The following NEBL variants were observed in gnomAD, a reference collection of about 807,000 sequenced individuals.
NEBL encodes the protein nebulette.
A neutral mutation model predicts 140.2 loss-of-function variants in NEBL; 122 were observed. The ratio of observed to expected loss-of-function variants is 0.87; its 90% CI spans 0.75 to 1.01. The LOEUF (loss-of-function observed/expected upper bound fraction) is 1.01. Among genes scored for constraint, NEBL ranks in the 50% least tolerant of loss-of-function variants. The pLI is 0.00. For missense variants in NEBL, 1,365 were observed against 1,231.3 expected (o/e 1.11, Z -1.62); for synonymous variants, 436 against 398.9 (o/e 1.09, Z -1.11).
rs865958203 is a variant in NEBL at position 21,054,456 on chromosome 10, T to C, written c.165-34255A>G. Among the ~76,000 whole-genome samples, 7 of 152,226 alleles carry C rather than the reference T, an allele frequency of 4.6e-5. No individual in the cohort carries two copies. In the South Asian group the frequency reaches 1.4e-3, roughly 31 times the overall value. On this transcript the variant is annotated intron_variant, in intron 2 of 6. Coordinates refer to the NEBL transcript ENST00000417816. ...CGGGTCATTCTGATCTATCCAGCCT[T>C]GCACTTAAGCAGCTGTACTGCCTCT...
chr10:21,117,415 G>C (rs937661103), intron 2 of NEBL, among the ~76,000 whole-genome samples: 2 of 152,050 alleles, frequency 1.3e-5, no homozygotes, highest in Non-Finnish European at 2.9e-5. Context: ...ATCTGGCCCT[G>C]TGAATTCTAG....
rs569674583 is a variant in NEBL, at chr10:21,112,306, C to T, written c.164+60077G>A. ...ACATGCACACATATGTTTATTGCAGCACTATTTACAATAGCAAAGACTTGG... is the reference window on the plus strand; with the variant it reads ...ACATGCACACATATGTTTATTGCAGTACTATTTACAATAGCAAAGACTTGG... On this transcript the variant is annotated intron_variant, in intron 2 of 6. Coordinates refer to the NEBL transcript ENST00000417816. Among the ~76,000 whole-genome samples, 78 of 152,234 alleles carry T rather than the reference C, an allele frequency of 5.1e-4. No homozygotes were observed. The East Asian group carries it at 0.014, about 27-fold the overall frequency.
At chr10:20,930,809 C>T (rs1834145705) in intron 4 of NEBL, among the ~76,000 whole-genome samples, 1 of 152,176 alleles carries the variant, frequency 6.6e-6, no homozygotes, top group African/African-American at 2.4e-5. Context: ...AGATCCAGGA[C>T]CCAAATCCCA....
At chr10:20,829,483 G>T (rs1840200534) in intron 16 of NEBL, among the ~76,000 whole-genome samples, 2 of 151,786 alleles carry the variant, frequency 1.3e-5, no homozygotes, top group Non-Finnish European at 2.9e-5. Flanking sequence ...TATACCTAAT[G>T]CTAGATGACG....
chr10:20,923,065 T>TTTTTC (rs1025798803), intron 4 of NEBL, among the ~76,000 whole-genome samples: 8 of 152,204 alleles, frequency 5.3e-5, no homozygotes, highest in Non-Finnish European at 1.2e-4. Context: ...CTTTTTCTTC[T>TTTTTC]TTTTCTTTTC....
intron 2 of NEBL, among the ~76,000 whole-genome samples, chr10:21,117,847 C>A (rs1430527123): frequency 1.3e-5 from 2 of 152,064 alleles, no homozygotes; most frequent in African/African-American, 2.4e-5. Context: ...GTTCAAGTAG[C>A]AACTCGGCCG....
intron 2 of NEBL, among the ~76,000 whole-genome samples, chr10:21,033,195 A>T (rs1833868108): frequency 6.6e-6 from 1 of 152,192 alleles, no homozygotes; most frequent in Non-Finnish European, 1.5e-5. Context: ...GCCAAGAGAA[A>T]CACACGCAGA....
intron 1 of NEBL, among the ~76,000 whole-genome samples, chr10:21,274,803 GCT>G (rs1323224721): frequency 1.3e-5 from 2 of 151,504 alleles, no homozygotes; most frequent in Non-Finnish European, 1.5e-5. Context: ...AAAAATATTT[GCT>G]TTTTTTAATT....
intron 2 of NEBL, among the ~76,000 whole-genome samples, chr10:20,890,315 C>T (rs144233596): frequency 2.0e-5 from 3 of 152,126 alleles, no homozygotes; most frequent in Non-Finnish European, 4.4e-5. Flanking sequence ...GACACATAAG[C>T]CTTTGGCCAA....
intron 4 of NEBL, among the ~76,000 whole-genome samples, chr10:20,908,645 T>A (rs947471573): frequency 1.3e-5 from 2 of 152,208 alleles, no homozygotes; most frequent in African/African-American, 4.8e-5. Context: ...AAGAAATAAA[T>A]TTTTAATTAA....
intron 2 of NEBL, among the ~76,000 whole-genome samples, chr10:21,062,856 A>T (rs1835363487): frequency 6.6e-6 from 1 of 151,422 alleles, no homozygotes; most frequent in African/African-American, 2.4e-5. Context: ...TGTGATATCA[A>T]TTTTTTTTTA....
chr10:20,970,485 C>CA (rs985924479), intron 3 of NEBL, among the ~76,000 whole-genome samples: 31 of 145,686 alleles, frequency 2.1e-4, no homozygotes, highest in East Asian at 6.0e-4. Flanking sequence ...CTCCCCCCAC[C>CA]AAAAAAAAAA....
intron 1 of NEBL, among the ~76,000 whole-genome samples, chr10:21,257,519 G>A (rs1842673756): frequency 6.6e-6 from 1 of 152,168 alleles, no homozygotes; most frequent in Non-Finnish European, 1.5e-5. Flanking sequence ...CATTGCTGTA[G>A]GAACTGAAAA....
At chr10:21,056,914 G>A (rs778180141) in intron 2 of NEBL, among the ~76,000 whole-genome samples, 4 of 152,182 alleles carry the variant, frequency 2.6e-5, no homozygotes, top group Non-Finnish European at 4.4e-5. Flanking sequence ...CCTTTCTTAA[G>A]CTCGGAGTCA....
At chr10:21,177,311 C>T (rs1841315750), upstream of NEBL, among the ~76,000 whole-genome samples, 1 of 152,184 alleles carries the variant, frequency 6.6e-6, no homozygotes, top group Non-Finnish European at 1.5e-5. Context: ...ATGAGACGGG[C>T]TGAATCATGC....
chr10:20,806,670 C>A (rs547387283), intron 26 of NEBL, among the ~76,000 whole-genome samples: 10 of 152,214 alleles, frequency 6.6e-5, no homozygotes, highest in Non-Finnish European at 1.2e-4. Context: ...AGCCTCTAAG[C>A]CCCTTACAGC....
rs1272886734 is a variant in NEBL at position 21,055,547 on chromosome 10, C to T, written c.165-35346G>A. ...AAGGTTACCATTCTGCATGTAACCA[C>T]ATCCTGGCTCTATCACCCACCAGCT... On this transcript the variant is annotated intron_variant, in intron 2 of 6. Transcript: ENST00000417816. Among the ~76,000 whole-genome samples the T allele has an allele frequency of 5.9e-5, 9 of 152,184 alleles. 1 individual carries two copies. The South Asian group carries it at 1.7e-3, about 28-fold the overall frequency.
At chr10:21,112,166 G>A (rs1240503172) in intron 2 of NEBL, among the ~76,000 whole-genome samples, 1 of 152,208 alleles carries the variant, frequency 6.6e-6, no homozygotes, top group Admixed American at 6.5e-5. Context: ...TTCAACCATT[G>A]TGGAAAACAG....
At chr10:20,913,250 G>A (rs1392374169) in intron 4 of NEBL, among the ~76,000 whole-genome samples, 1 of 152,146 alleles carries the variant, frequency 6.6e-6, no homozygotes, top group East Asian at 1.9e-4. Flanking sequence ...TAAGTGAAGA[G>A]AACAATTTTG....
Sources: allele counts gnomAD v4.1 joint callset (sites outside exome capture counted in the v4.1 genomes callset), GRCh38; gene constraint gnomAD v4.1.1; transcripts MANE v1.5; gene names NCBI Gene and HGNC (gene_info 2026-07-23, HGNC 2026-07-21).